COL21A1: variants seen among roughly 807,000 people sequenced by gnomAD.
COL21A1 encodes collagen type XXI alpha 1 chain, also known as collagen alpha-1(XXI) chain.
Under a neutral mutation model 137.9 loss-of-function variants are expected in COL21A1, and 149 were observed. The ratio of observed to expected loss-of-function variants is 1.08; its 90% CI spans 0.95 to 1.24. The LOEUF is 1.24. COL21A1 is among the 50% of genes most tolerant of loss of function. The pLI is 0.00. For synonymous variants in COL21A1, 456 were observed against 391.5 expected (o/e 1.16, Z -1.95); for missense variants, 1,167 against 1,158.4 (o/e 1.01, Z -0.11).
chr6:56,318,143 T>A (rs2152340847), intron 1 of COL21A1, among the ~76,000 whole-genome samples: 1 of 152,326 alleles, frequency 6.6e-6, no homozygotes, highest in Non-Finnish European at 1.5e-5. Flanking sequence ...TTTTAATTAT[T>A]TTCATCACAA....
At chr6:56,202,166 TA>T (rs1323749855) in intron 1 of COL21A1, among the ~76,000 whole-genome samples, 2 of 152,162 alleles carry the variant, frequency 1.3e-5, no homozygotes, top group South Asian at 4.1e-4. Flanking sequence ...AAGAAAGATA[TA>T]TTTTTTAAAA....
chr6:56,359,065 T>C (rs1253437718), intron 1 of COL21A1, among the ~76,000 whole-genome samples: 1 of 151,982 alleles, frequency 6.6e-6, no homozygotes, highest in Non-Finnish European at 1.5e-5. Flanking sequence ...AGTAAGTATT[T>C]AAACTGACTA....
chr6:56,141,888 T>C, intron 11 of COL21A1, 42 bp downstream of exon 11: 1 of 1,598,154 alleles, frequency 6.3e-7, no homozygotes. Flanking sequence ...TTTAGTTCAC[T>C]AAAAATAAAA....
chr6:56,170,922 AT>A, intron 4 of COL21A1, 37 bp downstream of exon 4: 1 of 1,590,212 alleles, frequency 6.3e-7, no homozygotes, highest in South Asian at 1.1e-5. Flanking sequence ...CCACAGACAT[AT>A]CCCCCCAAAA....
chr6:56,220,204 G>A (rs1780744510), intron 1 of COL21A1, among the ~76,000 whole-genome samples: 1 of 152,084 alleles, frequency 6.6e-6, no homozygotes, highest in African/African-American at 2.4e-5. Flanking sequence ...CACAATTAAT[G>A]TCATGTTATA....
chr6:56,195,825 C>T (rs112862011), intron 1 of COL21A1, among the ~76,000 whole-genome samples: 2,191 of 152,046 alleles, frequency 0.014, 34 homozygotes, highest in Middle Eastern at 0.038. Context: ...TGCCAATTCT[C>T]CCCAAACTCT....
At chr6:56,284,394 T>A (rs1370911093) in intron 1 of COL21A1, among the ~76,000 whole-genome samples, 1 of 152,174 alleles carries the variant, frequency 6.6e-6, no homozygotes, top group Admixed American at 6.5e-5. Flanking sequence ...TCTTCACACT[T>A]GAACGCACAA....
chr6:56,122,613 AT>A (rs530313880), intron 16 of COL21A1, among the ~76,000 whole-genome samples: 80 of 152,344 alleles, frequency 5.3e-4, no homozygotes, highest in African/African-American at 1.7e-3. Flanking sequence ...AAATGGGTGA[AT>A]TTTATGGTAT....
chr6:56,283,872 A>ACTCTCT (rs1176221090), intron 1 of COL21A1, among the ~76,000 whole-genome samples: 21 of 84,204 alleles, frequency 2.5e-4, no homozygotes, highest in South Asian at 2.0e-3. Context: ...ACTCACACAC[A>ACTCTCT]CACTCTCTCT....
intron 1 of COL21A1, among the ~76,000 whole-genome samples, chr6:56,313,257 AAGAT>A (rs1764653606): frequency 6.6e-6 from 1 of 152,088 alleles, no homozygotes; most frequent in African/African-American, 2.4e-5. Flanking sequence ...TACCCAAAAA[AAGAT>A]AGGGATGGAG....
At chr6:56,369,636 T>C (rs1327772654) in intron 1 of COL21A1, among the ~76,000 whole-genome samples, 2 of 152,174 alleles carry the variant, frequency 1.3e-5, no homozygotes, top group African/African-American at 4.8e-5. Context: ...TAAAAGGAGT[T>C]AATGTGTTCA....
At chr6:56,223,920 A>G (rs532006756) in intron 1 of COL21A1, among the ~76,000 whole-genome samples, 1 of 152,098 alleles carries the variant, frequency 6.6e-6, no homozygotes, top group Admixed American at 6.6e-5. Context: ...TGTGCATCTT[A>G]TTTCCACCTA....
intron 1 of COL21A1, among the ~76,000 whole-genome samples, chr6:56,236,370 T>A (rs1005004781): frequency 6.6e-6 from 1 of 152,040 alleles, no homozygotes; most frequent in Non-Finnish European, 1.5e-5. Flanking sequence ...AAATAGAAAG[T>A]TTCCCATCAT....
chr6:56,238,379 G>C lies in COL21A1; in HGVS notation c.-39+9008C>G, dbSNP rs1439299936. On this transcript the variant is annotated intron_variant, in intron 1 of 29. Transcript: ENST00000244728. ...CAGCAAATCTGGACTGCAGAAGCAT[G>C]AAGGCACCTGCTGAGAAGGCAGTGG... Among the ~76,000 whole-genome samples, 3 of 146,976 alleles carry C rather than the reference G, an allele frequency of 2.0e-5. No homozygotes were observed. In the Admixed American group the frequency reaches 2.1e-4, roughly 10 times the overall value.
chr6:56,061,591 C>T (rs1765802908), intron 25 of COL21A1, 58 bp downstream of exon 25: 1 of 1,248,072 alleles, frequency 8.0e-7, no homozygotes, highest in Non-Finnish European at 1.1e-6. Context: ...GTATTGAAAC[C>T]CAAGCAAAAA....
chr6:56,276,067 A>AG (rs1763640892), intron 1 of COL21A1, among the ~76,000 whole-genome samples: 2 of 152,224 alleles, frequency 1.3e-5, no homozygotes, highest in East Asian at 3.8e-4. Context: ...TGTCCTTTCC[A>AG]GCAACATGGA....
intron 17 of COL21A1, 69 bp from the exon 18 acceptor site, chr6:56,077,642 T>C: frequency 1.1e-6 from 1 of 905,796 alleles, no homozygotes; most frequent in Non-Finnish European, 1.7e-6. Context: ...GAAGAAACAG[T>C]CACAATTGGA....
chr6:56,311,216 C>A (rs1764606645), intron 1 of COL21A1, among the ~76,000 whole-genome samples: 1 of 152,130 alleles, frequency 6.6e-6, no homozygotes, highest in African/African-American at 2.4e-5. Context: ...TAGCATAAAC[C>A]AGAGATTACA....
At chr6:56,060,619 G>C in intron 27 of COL21A1, 122 bp downstream of exon 27, 1 of 646,736 alleles carries the variant, frequency 1.5e-6, no homozygotes, top group East Asian at 3.1e-5. Flanking sequence ...AAGTAGATGA[G>C]GCTTATAAAT....
Sources: gnomAD v4.1 joint callset for allele counts (sites outside exome capture counted in the v4.1 genomes callset) on GRCh38, gnomAD v4.1.1 for gene constraint, MANE v1.5 for transcripts, NCBI Gene and HGNC (gene_info 2026-07-23, HGNC 2026-07-21) for gene names.